Variants in NUP155 observed in about 807,000 individuals in gnomAD.
NUP155 encodes nuclear pore complex protein Nup155.
NUP155 carries 71 observed loss-of-function variants against 180.4 expected under a neutral mutation model. The ratio of observed to expected loss-of-function variants is 0.39; its 90% confidence interval spans 0.33 to 0.48. NUP155 has a LOEUF of 0.48. Among genes scored for constraint, NUP155 ranks in the 20% least tolerant of loss-of-function variants. The probability of loss-of-function intolerance (pLI) is 0.91; values close to 1 mark genes in which losing one functional copy is unlikely to be tolerated. For missense variants in NUP155, 1,553 were observed against 1,648.9 expected (o/e 0.94, Z 1.01); for synonymous variants, 582 against 559.5 (o/e 1.04, Z -0.57).
At chr5:37,365,692 A>C (rs1170130060) in intron 1 of NUP155, among the ~76,000 whole-genome samples, 30 of 131,742 alleles carry the variant, frequency 2.3e-4, no homozygotes, top group Middle Eastern at 4.2e-3. Context: ...AGGGTGACAG[A>C]GCAAGACTCT....
At chr5:37,351,407 T>C in intron 5 of NUP155, 51 bp from the exon 6 acceptor site, 1 of 1,312,186 alleles carries the variant, frequency 7.6e-7, no homozygotes, top group Non-Finnish European at 1.1e-6. Flanking sequence ...CCACAGTTTT[T>C]AAAAATCTTT....
intron 16 of NUP155, among the ~76,000 whole-genome samples, 172 bp from the exon 17 acceptor site, chr5:37,328,592 C>T (rs1744760870): frequency 6.6e-6 from 1 of 152,134 alleles, no homozygotes; most frequent in Non-Finnish European, 1.5e-5. Context: ...CAACCTCTGT[C>T]TCCCGGGTTC....
chr5:37,329,797 G>A (rs1744837832), intron 15 of NUP155, among the ~76,000 whole-genome samples: 2 of 152,162 alleles, frequency 1.3e-5, no homozygotes, highest in Non-Finnish European at 2.9e-5. Flanking sequence ...AGTGTAGAAA[G>A]TAGACAAGAA....
intron 9 of NUP155, among the ~76,000 whole-genome samples, chr5:37,345,869 A>T (rs969090823): frequency 2.7e-5 from 4 of 148,220 alleles, no homozygotes; most frequent in Middle Eastern, 3.2e-3. Context: ...GCAACACTGC[A>T]CTCCAGCCTG....
chr5:37,289,348 G>C lies in NUP155; in HGVS notation c.*2552C>G, dbSNP rs1450832220. The stretch of plus-strand genomic sequence containing the variant: ...AAGTAATGCGTTGAACAAACACCAA[G>C]TACAAAGTATACTAATACAGTGGAT... On this transcript the variant is annotated 3_prime_UTR_variant, in exon 35 of 35. Transcript: ENST00000231498. 1 of 152,280 alleles carries C rather than the reference G, an allele frequency of 6.6e-6. No homozygotes were observed. The highest frequency in any genetic ancestry group is 1.5e-5 in the Non-Finnish European group (1 of 68,102). The allele number at this position is 152,280 out of a possible 1,614,324, so 9.4% of individuals were successfully genotyped here.
At chr5:37,358,474 A>C (rs1212513024) in intron 3 of NUP155, among the ~76,000 whole-genome samples, 3 of 152,096 alleles carry the variant, frequency 2.0e-5, no homozygotes, top group Non-Finnish European at 4.4e-5. Flanking sequence ...AGAAAAGAAA[A>C]GAAAAACAGA....
chr5:37,309,830 G>A (rs184159143), intron 23 of NUP155, among the ~76,000 whole-genome samples: 1 of 152,076 alleles, frequency 6.6e-6, no homozygotes, highest in East Asian at 1.9e-4. Context: ...TGAGGCAGGC[G>A]GAGGTCAGGA....
intron 29 of NUP155, 125 bp from the exon 30 acceptor site, chr5:37,301,675 A>G: frequency 1.4e-6 from 1 of 699,018 alleles, no homozygotes; most frequent in South Asian, 1.5e-5. Context: ...GATTTCTATC[A>G]TAATAGGCTA....
intron 14 of NUP155, among the ~76,000 whole-genome samples, chr5:37,330,435 A>G (rs1744881981): frequency 6.6e-6 from 1 of 152,188 alleles, no homozygotes; most frequent in Admixed American, 6.5e-5. Context: ...AATAACAATT[A>G]AGTGGTAACA....
intron 9 of NUP155, among the ~76,000 whole-genome samples, chr5:37,347,121 G>A (rs561890176): frequency 6.6e-6 from 1 of 152,044 alleles, no homozygotes; most frequent in Non-Finnish European, 1.5e-5. Context: ...CTAGCCGCTC[G>A]GGAGGCTTAG....
intron 3 of NUP155, among the ~76,000 whole-genome samples, chr5:37,358,872 C>G (rs2111671602): frequency 6.6e-6 from 1 of 152,212 alleles, no homozygotes; most frequent in Non-Finnish European, 1.5e-5. Flanking sequence ...AAAAAATTAG[C>G]CCGGCATGGT....
chr5:37,347,337 G>A (rs1318064698), intron 9 of NUP155, among the ~76,000 whole-genome samples: 2 of 77,524 alleles, frequency 2.6e-5, no homozygotes, highest in East Asian at 2.5e-4. Flanking sequence ...GGAAAAACAC[G>A]TCAAGCTGTA....
intron 12 of NUP155, among the ~76,000 whole-genome samples, chr5:37,336,881 T>C (rs1179803338): frequency 2.0e-5 from 3 of 152,142 alleles, no homozygotes. Context: ...CTGGAAGGGT[T>C]CAAATTTAAG....
chr5:37,347,264 T>C (rs1746153659), intron 9 of NUP155, among the ~76,000 whole-genome samples: 1 of 151,926 alleles, frequency 6.6e-6, no homozygotes, highest in Admixed American at 6.6e-5. Flanking sequence ...GAGTGAATAG[T>C]TAAAAGTGGG....
chr5:37,292,142 G>T, intron 34 of NUP155, 104 bp from the exon 35 acceptor site: 1 of 1,046,520 alleles, frequency 9.6e-7, no homozygotes, highest in Non-Finnish European at 1.5e-6. Flanking sequence ...CACAGGAGAG[G>T]AAAGACCATG....
chr5:37,292,972 T>C lies in NUP155; in HGVS notation c.3944A>G (p.Asn1315Ser), dbSNP rs774305353. Residue 1315 changes from asparagine to serine, a missense_variant, in exon 34 of 35, where the codon AAC (asparagine) becomes AGC (serine). Coordinates refer to ENST00000231498, the MANE Select transcript of NUP155 (RefSeq NM_153485.3). ...AAGGTGCAGTGGCTTCTTCATTCTG[T>C]TCCAGAATGGATCCTATGAAGAAAT... ...QLFKSRDPFW[N>S]RMKKPLHLLD... 3.0e-5 allele frequency: 48 copies of C among 1,599,034 alleles called. No individual in the cohort carries two copies. The highest frequency in any genetic ancestry group is 3.9e-5 in the Non-Finnish European group (45 of 1,166,606).
At chr5:37,315,208 G>A (rs532324246) in intron 21 of NUP155, among the ~76,000 whole-genome samples, 3 of 152,182 alleles carry the variant, frequency 2.0e-5, no homozygotes, top group African/African-American at 4.8e-5. Context: ...CTCCAGCCTC[G>A]GCGAAAAAGC....
intron 3 of NUP155, among the ~76,000 whole-genome samples, chr5:37,363,527 T>C (rs977209221): frequency 3.9e-5 from 6 of 152,158 alleles, no homozygotes; most frequent in Admixed American, 1.3e-4. Context: ...GCCTACTCCA[T>C]AGAAATGCAA....
chr5:37,349,479 G>A (rs1746323656), intron 7 of NUP155, among the ~76,000 whole-genome samples: 1 of 152,110 alleles, frequency 6.6e-6, no homozygotes, highest in South Asian at 2.1e-4. Flanking sequence ...TGGGTTATGA[G>A]CATAGAAAGT....
Sources: allele counts gnomAD v4.1 joint callset (sites outside exome capture counted in the v4.1 genomes callset), GRCh38; gene constraint gnomAD v4.1.1; transcripts MANE v1.5; gene names NCBI Gene and HGNC (gene_info 2026-07-23, HGNC 2026-07-21).